Variants in KCNMB2 observed in about 807,000 individuals in gnomAD.
KCNMB2 encodes calcium-activated potassium channel subunit beta-2.
KCNMB2 carries 9 observed loss-of-function variants against 24.5 expected under a neutral mutation model. That is an observed-to-expected ratio of 0.37 (90% CI 0.22 to 0.64). The LOEUF (loss-of-function observed/expected upper bound fraction) is 0.64. Ranked by LOEUF, KCNMB2 falls within the 30% of genes least tolerant of loss-of-function variation. The pLI, the probability that KCNMB2 is intolerant of heterozygous loss-of-function variation, is 0.63. For synonymous variants in KCNMB2, 109 were observed against 104.4 expected, an observed-to-expected ratio of 1.04 and a Z score of -0.27; for missense variants, 226 against 284.3, an observed-to-expected ratio of 0.79 and a Z score of 1.47.
intron 4 of KCNMB2, among the ~76,000 whole-genome samples, chr3:178,837,811 G>A (rs576283082): frequency 1.2e-4 from 19 of 152,024 alleles, no homozygotes; most frequent in Middle Eastern, 6.8e-3. Flanking sequence ...CTCAGTGGTA[G>A]TTTATATGAA....
At chr3:178,836,689 A>G (rs531356938) in intron 4 of KCNMB2, among the ~76,000 whole-genome samples, 3 of 152,196 alleles carry the variant, frequency 2.0e-5, no homozygotes, top group Non-Finnish European at 2.9e-5. Flanking sequence ...ATATTAACAT[A>G]TTTTTTATCA....
At chr3:178,800,119 A>C (rs539112572) in intron 1 of KCNMB2, among the ~76,000 whole-genome samples, 2 of 152,302 alleles carry the variant, frequency 1.3e-5, no homozygotes, top group East Asian at 3.9e-4. Flanking sequence ...TGGTCTAGGC[A>C]AAGATTTCTT....
At chr3:178,759,307 CTCCAAGAGGATATATATATAT>C (rs1711571581) in intron 1 of KCNMB2, among the ~76,000 whole-genome samples, 1 of 95,922 alleles carries the variant, frequency 1.0e-5, no homozygotes, top group Non-Finnish European at 2.0e-5. Context: ...ATATATATAT[CTCCAAGAGGATATATATATAT>C]ATATATCTCC....
chr3:178,589,731 T>C (rs1207859539), intron 1 of KCNMB2, among the ~76,000 whole-genome samples: 1 of 152,212 alleles, frequency 6.6e-6, no homozygotes, highest in Non-Finnish European at 1.5e-5. Flanking sequence ...TATTTCAGCC[T>C]GATCCCATCC....
At chr3:178,686,107 T>G (rs1721461982) in intron 1 of KCNMB2, among the ~76,000 whole-genome samples, 2 of 152,160 alleles carry the variant, frequency 1.3e-5, no homozygotes, top group Non-Finnish European at 2.9e-5. Context: ...AATAGTAAAC[T>G]CACTTTTTAG....
At chr3:178,740,057 G>T (rs1723444081) in intron 1 of KCNMB2, among the ~76,000 whole-genome samples, 1 of 151,846 alleles carries the variant, frequency 6.6e-6, no homozygotes, top group Non-Finnish European at 1.5e-5. Flanking sequence ...AAATTTTTTT[G>T]ATTTGAAATG....
At chr3:178,606,544 T>C (rs1434405872) in intron 1 of KCNMB2, among the ~76,000 whole-genome samples, 2 of 152,000 alleles carry the variant, frequency 1.3e-5, no homozygotes, top group Non-Finnish European at 2.9e-5. Context: ...AGTACATAAT[T>C]TGTTTGGTTT....
At chr3:178,701,222 C>T (rs985006132) in intron 1 of KCNMB2, among the ~76,000 whole-genome samples, 2 of 152,132 alleles carry the variant, frequency 1.3e-5, no homozygotes, top group Admixed American at 6.6e-5. Context: ...GAATCCTTTC[C>T]CCATTTCTTG....
chr3:178,701,632 G>A (rs905865683), intron 1 of KCNMB2, among the ~76,000 whole-genome samples: 6 of 152,020 alleles, frequency 3.9e-5, no homozygotes, highest in African/African-American at 1.5e-4. Flanking sequence ...CTTCTCAAAA[G>A]AAGACATTTA....
rs1724196174 is a variant in KCNMB2 at position 178,757,830 on chromosome 3, C to CATCCAAGAGGATATATACATATAT, written c.-67-49496_-67-49495insCATATATATCCAAGAGGATATATA. ...CCAAGAGGATATATATATACACATC[C>CATCCAAGAGGATATATACATATAT]ATCCAAGAGGATATATATATCCAAG... On this transcript the variant is annotated intron_variant, in intron 1 of 4. Coordinates refer to ENST00000452583, the MANE Select transcript of KCNMB2 (RefSeq NM_181361.3). Among the ~76,000 whole-genome samples the CATCCAAGAGGATATATACATATAT allele has an allele frequency of 1.3e-4, 6 of 46,182 alleles. 2 individuals carry two copies. The highest frequency in any genetic ancestry group is 2.5e-4 in the African/African-American group (2 of 7,892). The allele number at this position is 46,182 out of a possible 152,430, so 30.3% of individuals were successfully genotyped here.
intron 1 of KCNMB2, among the ~76,000 whole-genome samples, chr3:178,651,779 C>T (rs920190346): frequency 2.6e-5 from 4 of 152,122 alleles, no homozygotes; most frequent in Non-Finnish European, 5.9e-5. Flanking sequence ...CATCTACAAC[C>T]ATCTGATCTT....
chr3:178,741,459 T>C (rs183903984), intron 1 of KCNMB2, among the ~76,000 whole-genome samples: 18 of 152,322 alleles, frequency 1.2e-4, no homozygotes, highest in African/African-American at 3.8e-4. Flanking sequence ...AAAGATCTCT[T>C]ACCTCCATCA....
chr3:178,662,697 T>A (rs1288275687), intron 1 of KCNMB2, among the ~76,000 whole-genome samples: 1 of 151,988 alleles, frequency 6.6e-6, no homozygotes, highest in African/African-American at 2.4e-5. Flanking sequence ...TATGAAAAAA[T>A]TACACTATTT....
intron 1 of KCNMB2, among the ~76,000 whole-genome samples, chr3:178,690,998 T>G (rs1339388931): frequency 1.3e-5 from 2 of 151,636 alleles, no homozygotes; most frequent in African/African-American, 4.8e-5. Flanking sequence ...AGTGCAGTGG[T>G]GTAATCTCAA....
intron 1 of KCNMB2, among the ~76,000 whole-genome samples, chr3:178,806,625 T>C (rs1238086791): frequency 6.6e-6 from 1 of 151,788 alleles, no homozygotes; most frequent in Non-Finnish European, 1.5e-5. Context: ...AAAACAATAA[T>C]AGCTAACTAC....
At chr3:178,614,291 A>ATATG (rs1560131716) in intron 1 of KCNMB2, among the ~76,000 whole-genome samples, 27 of 104,224 alleles carry the variant, frequency 2.6e-4, no homozygotes, top group African/African-American at 1.1e-3. Context: ...ATATATATAT[A>ATATG]TATATGTATG....
chr3:178,591,089 G>A (rs112643127), intron 1 of KCNMB2, among the ~76,000 whole-genome samples: 510 of 152,214 alleles, frequency 3.4e-3, no homozygotes, highest in African/African-American at 0.011. Context: ...AATCTGCAAC[G>A]GAGAGGAAGC....
At chr3:178,785,282 T>C (rs1713055724) in intron 1 of KCNMB2, among the ~76,000 whole-genome samples, 1 of 152,050 alleles carries the variant, frequency 6.6e-6, no homozygotes, top group Admixed American at 6.6e-5. Context: ...TAAGTTATAA[T>C]ATAAATTTGA....
At chr3:178,720,589 T>G (rs1056144791) in intron 1 of KCNMB2, among the ~76,000 whole-genome samples, 23 of 128,288 alleles carry the variant, frequency 1.8e-4, no homozygotes, top group Non-Finnish European at 9.7e-5. Context: ...TACTTTACAG[T>G]CCCACCAACA....
Sources: allele counts gnomAD v4.1 joint callset (sites outside exome capture counted in the v4.1 genomes callset), GRCh38; gene constraint gnomAD v4.1.1; transcripts MANE v1.5; gene names NCBI Gene and HGNC (gene_info 2026-07-23, HGNC 2026-07-21).